CWF19L2: variants seen among roughly 807,000 people sequenced by gnomAD.
CWF19L2 encodes CWF19 like cell cycle control factor 2, also known as CWF19-like protein 2.
In CWF19L2, 98 loss-of-function variants were observed where a neutral mutation model predicts 111.7. The observed-to-expected ratio is 0.88, with a 90% CI of 0.75 to 1.04. The LOEUF (loss-of-function observed/expected upper bound fraction) is 1.04. CWF19L2 is among the 50% of genes least tolerant of loss of function. The pLI is 0.00. For synonymous variants in CWF19L2, 351 were observed against 342.9 expected, an observed-to-expected ratio of 1.02 and a Z score of -0.26; for missense variants, 1,101 against 1,051.4, an observed-to-expected ratio of 1.05 and a Z score of -0.65.
intron 12 of CWF19L2, among the ~76,000 whole-genome samples, chr11:107,359,028 C>G (rs76512559): frequency 0.011 from 1,634 of 151,972 alleles, 29 homozygotes; most frequent in African/African-American, 0.037. Context: ...TTAGCTACTC[C>G]TATCATCGTC....
At chr11:107,360,835 T>C (rs550243726) in intron 12 of CWF19L2, among the ~76,000 whole-genome samples, 2 of 152,324 alleles carry the variant, frequency 1.3e-5, no homozygotes, top group African/African-American at 4.8e-5. Context: ...GTGGGACTAT[T>C]TGTTGTTGTT....
chr11:107,332,107 T>C (rs1859858246), intron 16 of CWF19L2, among the ~76,000 whole-genome samples: 1 of 152,224 alleles, frequency 6.6e-6, no homozygotes, highest in African/African-American at 2.4e-5. Context: ...ATAAGTATCC[T>C]TGAATTTGAA....
chr11:107,425,649 A>G (rs1392967689), intron 8 of CWF19L2, among the ~76,000 whole-genome samples: 1 of 151,794 alleles, frequency 6.6e-6, no homozygotes, highest in Non-Finnish European at 1.5e-5. Context: ...GTGTTCACAG[A>G]TCTCCCTTAT....
chr11:107,402,871 G>GTATATATATATA (rs767099135), intron 10 of CWF19L2, among the ~76,000 whole-genome samples: 1,053 of 56,880 alleles, frequency 0.019, 139 homozygotes, highest in East Asian at 0.045. Flanking sequence ...AAACTGTGGT[G>GTATATATATATA]TGTATATATA....
At chr11:107,420,045 T>A (rs969127599) in intron 8 of CWF19L2, among the ~76,000 whole-genome samples, 38 of 150,934 alleles carry the variant, frequency 2.5e-4, no homozygotes, top group African/African-American at 8.8e-4. Context: ...TAAAAAAAAA[T>A]ATATAGCAAC....
chr11:107,442,280 T>C (rs909797545), intron 4 of CWF19L2, among the ~76,000 whole-genome samples: 5 of 152,224 alleles, frequency 3.3e-5, no homozygotes, highest in African/African-American at 4.8e-5. Flanking sequence ...GCCAAAATTA[T>C]TCCTAAAGTA....
intron 16 of CWF19L2, among the ~76,000 whole-genome samples, chr11:107,331,191 G>C (rs1859845276): frequency 6.6e-6 from 1 of 152,050 alleles, no homozygotes; most frequent in African/African-American, 2.4e-5. Context: ...AAAAAACAAA[G>C]TAAAGGAGAT....
At chr11:107,416,859 G>A (rs1861233946) in intron 9 of CWF19L2, among the ~76,000 whole-genome samples, 1 of 152,146 alleles carries the variant, frequency 6.6e-6, no homozygotes, top group African/African-American at 2.4e-5. Context: ...TTGAACACAA[G>A]AACACATATT....
chr11:107,350,023 A>AT (rs111387453), intron 13 of CWF19L2, among the ~76,000 whole-genome samples: 2,671 of 152,300 alleles, frequency 0.018, 60 homozygotes, highest in African/African-American at 0.059. Flanking sequence ...AATAAAATTC[A>AT]TTTTTAAAAG....
intron 13 of CWF19L2, 44 bp from the exon 14 acceptor site, chr11:107,349,097 T>C (rs773550441): frequency 2.1e-6 from 2 of 969,016 alleles, no homozygotes; most frequent in South Asian, 3.3e-5. Context: ...TTGTTATTTA[T>C]ATGTTATATA....
rs371866466 is a variant in CWF19L2 at position 107,428,974 on chromosome 11, T to C, written c.1258A>G (p.Ser420Gly). 6.2e-7 allele frequency: 1 copy of C among 1,613,790 alleles called. No homozygotes were observed. The highest frequency in any genetic ancestry group is 1.1e-5 in the South Asian group (1 of 91,066). ...KNSEERLTSW[S>G]RSDGRGDKKH... ...TTGTCTCCTCTCCCATCAGAGCGAC[T>C]CCATGATGTTAATCTTTCTTCACTG... is the stretch of plus-strand genomic sequence containing the variant. Residue 420 changes from serine to glycine, a missense_variant, in exon 8 of 18, where the codon AGT (serine) becomes GGT (glycine). By Grantham distance (56) the Ser-to-Gly change is moderately conservative (BLOSUM62 0). Transcript: ENST00000282251.
In CWF19L2 at chr11:107,441,415, T is replaced by C. The variant is rs1861616631; in HGVS notation, c.570+88A>G. On this transcript the variant is annotated intron_variant, in intron 5 of 17. Coordinates refer to ENST00000282251, the MANE Select transcript of CWF19L2 (RefSeq NM_152434.3). ...AATACTATAAAAAATAAAATGGTAT[T>C]TTACAAGTTAAACTGCATTTATATA... 15 of 1,122,828 alleles carry C rather than the reference T, an allele frequency of 1.3e-5. No individual in the cohort carries two copies. The South Asian group carries it at 3.1e-4, about 24-fold the overall frequency. The allele number at this position is 1,122,828 out of a possible 1,614,324, so 69.6% of individuals were successfully genotyped here.
chr11:107,406,849 T>G (rs549571139), intron 10 of CWF19L2, among the ~76,000 whole-genome samples: 2 of 151,734 alleles, frequency 1.3e-5, no homozygotes, highest in Non-Finnish European at 2.9e-5. Flanking sequence ...TGTTATGTTC[T>G]CTCTTATCTC....
In CWF19L2 at chr11:107,334,877, T is replaced by A. The variant is rs568279227; in HGVS notation, c.2439+4A>T. ...TTTCTTTTACCAGGAAAAAACATAC[T>A]TACAGACTTTCTGATATCTTTTGAA... On this transcript the variant is annotated splice_donor_region_variant and intron_variant, in intron 16 of 17. Coordinates refer to ENST00000282251, the MANE Select transcript of CWF19L2 (RefSeq NM_152434.3). 1 of 1,558,078 alleles carries A rather than the reference T, an allele frequency of 6.4e-7. No homozygotes were observed. The highest frequency in any genetic ancestry group is 1.7e-5 in the Admixed American group (1 of 59,788).
intron 10 of CWF19L2, among the ~76,000 whole-genome samples, chr11:107,408,404 G>A (rs1263549432): frequency 1.3e-5 from 2 of 151,890 alleles, no homozygotes; most frequent in Non-Finnish European, 2.9e-5. Context: ...TAGTGTGGTA[G>A]ATATAAAAAA....
chr11:107,427,992 T>C (rs996010960), intron 8 of CWF19L2, among the ~76,000 whole-genome samples: 1 of 152,140 alleles, frequency 6.6e-6, no homozygotes, highest in Non-Finnish European at 1.5e-5. Flanking sequence ...ACTACAACCA[T>C]GTGTTTCTAT....
intron 16 of CWF19L2, among the ~76,000 whole-genome samples, chr11:107,332,168 A>T (rs1859859256): frequency 6.6e-6 from 1 of 152,218 alleles, no homozygotes. Flanking sequence ...TTAGTTTAGA[A>T]CATCAATTTC....
At chr11:107,453,145 T>C (rs540543919) in intron 3 of CWF19L2, among the ~76,000 whole-genome samples, 1 of 152,294 alleles carries the variant, frequency 6.6e-6, no homozygotes, top group South Asian at 2.1e-4. Flanking sequence ...GAATGCCCTA[T>C]GGGGACTTAA....
In CWF19L2 at chr11:107,445,290, T is replaced by C. The variant is rs193204684; in HGVS notation, c.340-2241A>G. Among the ~76,000 whole-genome samples, 265 of 152,320 alleles carry C rather than the reference T, an allele frequency of 1.7e-3. 1 individual carries two copies. The highest frequency in any genetic ancestry group is 5.9e-3 in the African/African-American group (245 of 41,578). On this transcript the variant is annotated intron_variant, in intron 3 of 17. Coordinates refer to ENST00000282251, the MANE Select transcript of CWF19L2 (RefSeq NM_152434.3). ...TACCTGCAACCAAAATACCAACTAATATTCTCTTCTTTGATCCTTAAAGTA... is the reference window on the plus strand; with the variant it reads ...TACCTGCAACCAAAATACCAACTAACATTCTCTTCTTTGATCCTTAAAGTA...
Sources: allele counts gnomAD v4.1 joint callset (sites outside exome capture counted in the v4.1 genomes callset), GRCh38; gene constraint gnomAD v4.1.1; transcripts MANE v1.5; gene names NCBI Gene and HGNC (gene_info 2026-07-23, HGNC 2026-07-21).